Variants in TIAM1 observed in about 807,000 individuals in gnomAD.
TIAM1 encodes the protein TIAM Rac1 associated GEF 1.
A neutral mutation model predicts 163.5 loss-of-function variants in TIAM1; 65 were observed. That is an observed-to-expected ratio of 0.40 (90% CI 0.33 to 0.49). TIAM1 has a LOEUF of 0.49. TIAM1 is among the 20% of genes least tolerant of loss of function. The probability of loss-of-function intolerance (pLI) is 0.77; values close to 1 mark genes in which losing one functional copy is unlikely to be tolerated. For synonymous variants in TIAM1, 833 were observed against 810.1 expected, an observed-to-expected ratio of 1.03 and a Z score of -0.48; for missense variants, 1,789 against 2,044.7, an observed-to-expected ratio of 0.87 and a Z score of 2.41.
chr21:31,506,158 T>C (rs1189537801), intron 1 of TIAM1, among the ~76,000 whole-genome samples: 2 of 151,748 alleles, frequency 1.3e-5, no homozygotes, highest in African/African-American at 4.8e-5. Context: ...ACGACTCCTC[T>C]TCACAGCAGG....
chr21:31,292,728 C>A (rs9983016), intron 2 of TIAM1, among the ~76,000 whole-genome samples: 150,496 of 150,502 alleles, frequency 1, 75,245 homozygotes, highest in Non-Finnish European at 1. Context: ...GAGTGCAACG[C>A]GGTGATCTCA....
Position 31,120,755 on chromosome 21 carries a change from G to A in TIAM1, c.4389C>T (p.Ser1463=), listed in dbSNP as rs139070662. ...NRFTIDSDAV[S]ASSPEKESQQ... The stretch of plus-strand genomic sequence containing the variant: ...GGGACTCTTTCTCCGGGCTGCTTGC[G>A]GAGACGGCATCAGAATCAATGGTAA... Residue 1463 remains serine, a synonymous_variant, in exon 28 of 28, where the codon TCC becomes TCT. Coordinates refer to ENST00000541036, the MANE Select transcript of TIAM1 (RefSeq NM_001353694.2). This position sits in a 1 kb window ranked among gnomAD's most constrained non-coding sequence, Gnocchi z 4.2. 4.3e-5 allele frequency: 70 copies of A among 1,614,050 alleles called. No individual in the cohort carries two copies. The highest frequency in any genetic ancestry group is 1.6e-4 in the Middle Eastern group (1 of 6,062).
chr21:31,355,919 C>G (rs919643847), intron 2 of TIAM1, among the ~76,000 whole-genome samples: 4 of 152,120 alleles, frequency 2.6e-5, no homozygotes, highest in Non-Finnish European at 4.4e-5. Flanking sequence ...TTCTCTCCTC[C>G]ACTAGAACAT....
Position 31,245,493 on chromosome 21 carries a change from A to G in TIAM1, c.1579T>C (p.Phe527Leu), listed in dbSNP as rs777152480. The part of the protein sequence containing the change: ...LSNSLGDAFL[F>L]QTTSQTELEN... ...AAAGGAAGTGCCCAACAAACCTGAA[A>G]AAGGAAGGCATCACCCAGGGAATTG... The change falls in exon 6 of 28, where the codon TTT becomes CTT. Residue 527 changes from phenylalanine (F) to leucine (L), a missense_variant. Physicochemically the swap from Phe to Leu is conservative, Grantham distance 22 (BLOSUM62 0). Transcript: ENST00000541036. The G allele has an allele frequency of 6.7e-7, 1 of 1,502,374 alleles. No homozygotes were observed. The highest frequency in any genetic ancestry group is 1.3e-5 in the South Asian group (1 of 74,078). 93.1% of individuals were successfully genotyped at this position (1,502,374 alleles called of 1,614,324 possible).
intron 2 of TIAM1, among the ~76,000 whole-genome samples, chr21:31,378,022 G>C (rs1055631380): frequency 2.0e-5 from 3 of 151,340 alleles, no homozygotes; most frequent in Admixed American, 1.3e-4. Context: ...TGTAATCCCA[G>C]CTATTCAGGA....
intron 2 of TIAM1, among the ~76,000 whole-genome samples, chr21:31,334,331 C>A (rs1361631394): frequency 6.6e-6 from 1 of 150,492 alleles, no homozygotes; most frequent in Non-Finnish European, 1.5e-5. Context: ...GTTGCCCAGG[C>A]TTGAGTGCAA....
At chr21:31,173,017 C>G (rs2084589544) in intron 15 of TIAM1, among the ~76,000 whole-genome samples, 1 of 152,146 alleles carries the variant, frequency 6.6e-6, no homozygotes, top group South Asian at 2.1e-4. Flanking sequence ...CTCTGACGCA[C>G]CATCAACAGG....
chr21:31,283,637 G>A (rs1200367930), intron 2 of TIAM1, among the ~76,000 whole-genome samples: 8 of 151,718 alleles, frequency 5.3e-5, no homozygotes, highest in African/African-American at 1.9e-4. Context: ...CTCTGCCTCC[G>A]GGATTCAAGC....
rs55662795 is a variant in TIAM1, at chr21:31,146,710, C to CAAA, written c.3475+182_3475+184dup. 2.9e-4 allele frequency among the ~76,000 whole-genome samples: 38 copies of CAAA among 131,676 alleles called. 2 individuals carry two copies. Among genetic ancestry groups the CAAA allele is most frequent in the East Asian group, 1.3e-3 (6 of 4,524 alleles). The allele number at this position is 131,676 out of a possible 152,430, so 86.4% of individuals were successfully genotyped here. On this transcript the variant is annotated intron_variant, in intron 20 of 27. Transcript: ENST00000541036. ...TGGGCAACAGAGTGAGACTCTGTCT[C>CAAA]AAAAAAAAAAAAAATGAAAAAAAAA... is the stretch of plus-strand genomic sequence containing the variant.
intron 6 of TIAM1, among the ~76,000 whole-genome samples, chr21:31,238,796 G>C (rs2071022067): frequency 1.3e-5 from 2 of 152,320 alleles, no homozygotes; most frequent in East Asian, 1.9e-4. Flanking sequence ...AGGACAAATA[G>C]TATACTCAGA....
chr21:31,140,819 C>T (rs1297770636), intron 22 of TIAM1, among the ~76,000 whole-genome samples: 4 of 152,178 alleles, frequency 2.6e-5, no homozygotes, highest in Non-Finnish European at 2.9e-5. Context: ...TTTCTAGAAA[C>T]AGCCCAGATT....
At chr21:31,288,753 T>C (rs934160328) in intron 2 of TIAM1, among the ~76,000 whole-genome samples, 2 of 152,154 alleles carry the variant, frequency 1.3e-5, no homozygotes, top group Non-Finnish European at 2.9e-5. Context: ...TAATTATCCA[T>C]GAGAGGCCAG....
At chr21:31,202,389 A>C (rs79280132) in intron 12 of TIAM1, among the ~76,000 whole-genome samples, 26 of 96,436 alleles carry the variant, frequency 2.7e-4, no homozygotes, top group African/African-American at 1.0e-3. Flanking sequence ...CTGTCTCTAC[A>C]AAAAAAAAAA....
At chr21:31,442,060 C>CAAATAAAT (rs1299556171) in intron 2 of TIAM1, among the ~76,000 whole-genome samples, 3 of 29,508 alleles carry the variant, frequency 1.0e-4, no homozygotes, top group African/African-American at 2.3e-4. Flanking sequence ...TATCTCAGAA[C>CAAATAAAT]AAATAAATAA....
chr21:31,185,643 A>C (rs1568989228), intron 14 of TIAM1, among the ~76,000 whole-genome samples: 1 of 145,850 alleles, frequency 6.9e-6, no homozygotes, highest in African/African-American at 2.5e-5. Flanking sequence ...ATTATATGAT[A>C]ATTATATTAT....
Position 31,141,654 on chromosome 21 carries a change from G to A in TIAM1, c.3476-150C>T. ...AGGAAGAGGGACAGGTAGGGGAGGGGGCAGTCAGGGAGACCACAGGCAGTC... is the reference window on the plus strand; with the variant it reads ...AGGAAGAGGGACAGGTAGGGGAGGGAGCAGTCAGGGAGACCACAGGCAGTC... On this transcript the variant is annotated intron_variant, in intron 20 of 27. Coordinates refer to ENST00000541036, the MANE Select transcript of TIAM1 (RefSeq NM_001353694.2). This position sits in a 1 kb window ranked among gnomAD's most constrained non-coding sequence, Gnocchi z 4.7. 1 of 802,316 alleles carries A rather than the reference G, an allele frequency of 1.2e-6. No individual in the cohort carries two copies. Among genetic ancestry groups the A allele is most frequent in the Non-Finnish European group, 2.0e-6 (1 of 508,988 alleles). 49.7% of individuals were successfully genotyped at this position (802,316 alleles called of 1,614,324 possible). A position where few individuals can be genotyped will look rare whatever the true frequency, so the allele number is the denominator to read the frequency against.
intron 20 of TIAM1, among the ~76,000 whole-genome samples, chr21:31,144,762 G>A (rs758410393): frequency 5.8e-4 from 82 of 141,886 alleles, no homozygotes; most frequent in African/African-American, 2.0e-3. Context: ...CTGGGAGGCA[G>A]AGGTTGCAGT....
At chr21:31,323,025 C>T (rs554912467) in intron 2 of TIAM1, among the ~76,000 whole-genome samples, 1 of 152,270 alleles carries the variant, frequency 6.6e-6, no homozygotes, top group Admixed American at 6.5e-5. Context: ...CGCAGTGGCT[C>T]ACGCCTGTAA....
At chr21:31,469,414 T>C (rs1407933415) in intron 1 of TIAM1, among the ~76,000 whole-genome samples, 2 of 152,142 alleles carry the variant, frequency 1.3e-5, no homozygotes, top group Non-Finnish European at 2.9e-5. Flanking sequence ...CTGCTTTTCT[T>C]AACTCCGTGA....
Sources: allele counts gnomAD v4.1 joint callset (sites outside exome capture counted in the v4.1 genomes callset), GRCh38; gene constraint gnomAD v4.1.1; non-coding constraint Gnocchi (gnomAD v3.1); transcripts MANE v1.5; gene names NCBI Gene and HGNC (gene_info 2026-07-23, HGNC 2026-07-21).